The following MSRA variants were observed in gnomAD, a reference collection of about 807,000 sequenced individuals.
MSRA encodes the protein mitochondrial peptide methionine sulfoxide reductase.
In MSRA, 54 loss-of-function variants were observed where a neutral mutation model predicts 31.3. The observed-to-expected ratio is 1.73, with a 90% CI of 1.39 to 2.17. The LOEUF (loss-of-function observed/expected upper bound fraction) is 2.17. Ranked by LOEUF, MSRA falls within the 30% of genes most tolerant of loss-of-function variation. The pLI is 0.00. For synonymous variants in MSRA, 169 were observed against 116.5 expected, an observed-to-expected ratio of 1.45 and a Z score of -2.90; for missense variants, 507 against 300.9, an observed-to-expected ratio of 1.69 and a Z score of -5.07.
At chr8:10,171,396 A>T (rs1805574648) in intron 1 of MSRA, among the ~76,000 whole-genome samples, 1 of 148,608 alleles carries the variant, frequency 6.7e-6, no homozygotes, top group African/African-American at 2.5e-5. Context: ...ACAGAGCTTT[A>T]AGGAAATGAA....
At chr8:10,061,618 G>A (rs185801386) in intron 1 of MSRA, among the ~76,000 whole-genome samples, 1 of 152,172 alleles carries the variant, frequency 6.6e-6, no homozygotes, top group Non-Finnish European at 1.5e-5. Context: ...TTCACCAAGA[G>A]TGCAGTCAAT....
chr8:10,271,757 C>T (rs4483158), intron 3 of MSRA, among the ~76,000 whole-genome samples: 101,493 of 148,092 alleles, frequency 0.69, 35,215 homozygotes, highest in East Asian at 0.85. Flanking sequence ...TTGCTCTTGT[C>T]GCCCAGGCTG....
chr8:10,290,501 C>G (rs185454455), intron 3 of MSRA, among the ~76,000 whole-genome samples: 182 of 152,268 alleles, frequency 1.2e-3, no homozygotes, highest in African/African-American at 4.1e-3. Context: ...ATCAGATGCC[C>G]AAGTTCGTGG....
intron 3 of MSRA, among the ~76,000 whole-genome samples, chr8:10,261,368 A>C (rs1396481231): frequency 6.8e-6 from 1 of 147,908 alleles, no homozygotes; most frequent in African/African-American, 2.5e-5. Context: ...TGTCTTCATG[A>C]AGGGTATATA....
chr8:10,332,363 C>G (rs1037201493), intron 5 of MSRA, among the ~76,000 whole-genome samples: 4 of 151,842 alleles, frequency 2.6e-5, no homozygotes, highest in African/African-American at 9.7e-5. Flanking sequence ...TTTATCTGTG[C>G]TTTTGTTTAA....
chr8:10,288,351 G>T (rs182358250), intron 3 of MSRA, among the ~76,000 whole-genome samples: 4 of 152,062 alleles, frequency 2.6e-5, no homozygotes, highest in Non-Finnish European at 5.9e-5. Flanking sequence ...CCCAAGAACC[G>T]ATTTTTGCCC....
Position 10,151,285 on chromosome 8 carries a change from A to T in MSRA, c.143-56548A>T, listed in dbSNP as rs376653580. ...TCAAAAAAAAAAAAAAAAAAAAAAA[A>T]AAATAAGGGCTTCCTGTAGGAAGCT... On this transcript the variant is annotated intron_variant, in intron 1 of 5. Transcript: ENST00000317173. Among the ~76,000 whole-genome samples the T allele has an allele frequency of 9.6e-5, 13 of 135,390 alleles. No homozygotes were observed. The East Asian group carries it at 2.7e-3, about 29-fold the overall frequency. The allele number at this position is 135,390 out of a possible 152,430, so 88.8% of individuals were successfully genotyped here. A position where few individuals can be genotyped will look rare whatever the true frequency, so the allele number is the denominator to read the frequency against.
intron 1 of MSRA, among the ~76,000 whole-genome samples, chr8:10,155,168 A>G (rs937711595): frequency 3.9e-5 from 6 of 152,122 alleles, no homozygotes; most frequent in African/African-American, 1.4e-4. Flanking sequence ...AGGATAAAGA[A>G]ATACTGAACT....
chr8:10,185,204 G>A (rs1431405414), intron 1 of MSRA, among the ~76,000 whole-genome samples: 1 of 152,120 alleles, frequency 6.6e-6, no homozygotes, highest in Non-Finnish European at 1.5e-5. Flanking sequence ...GGTGACTGAG[G>A]GACAGCTGTC....
chr8:10,310,151 A>G (rs1437550110), intron 4 of MSRA, among the ~76,000 whole-genome samples: 1 of 152,232 alleles, frequency 6.6e-6, no homozygotes, highest in East Asian at 1.9e-4. Flanking sequence ...TATACAAGGA[A>G]TCTATCATCT....
At chr8:10,161,110 C>G (rs1270457020) in intron 1 of MSRA, among the ~76,000 whole-genome samples, 1 of 152,222 alleles carries the variant, frequency 6.6e-6, no homozygotes, top group Non-Finnish European at 1.5e-5. Flanking sequence ...CAGATATCCA[C>G]TTTCTAAATA....
rs1332206522 is a variant in MSRA, at chr8:10,054,295, C to G, written c.-222C>G. The G allele has an allele frequency of 2.8e-6, 1 of 352,502 alleles. No individual in the cohort carries two copies. Among genetic ancestry groups the G allele is most frequent in the Non-Finnish European group, 5.0e-6 (1 of 201,486 alleles). The allele number at this position is 352,502 out of a possible 1,614,324, so 21.8% of individuals were successfully genotyped here. A position where few individuals can be genotyped will look rare whatever the true frequency, so the allele number is the denominator to read the frequency against. On this transcript the variant is annotated 5_prime_UTR_variant, in exon 1 of 6. Coordinates refer to ENST00000317173, the MANE Select transcript of MSRA (RefSeq NM_012331.5). The stretch of plus-strand genomic sequence containing the variant: ...AACTCGCCGGGCCACACCCCCTGTC[C>G]AGGGAAGGAACACGCCCCCGGTGAC...
intron 1 of MSRA, chr8:10,095,588 G>A: frequency 2.0e-6 from 2 of 986,416 alleles, no homozygotes; most frequent in Non-Finnish European, 2.4e-6. Flanking sequence ...GAGAGGCAGA[G>A]GGAGAGCTGA....
chr8:10,063,573 G>C (rs1585070052), intron 1 of MSRA, among the ~76,000 whole-genome samples: 1 of 152,156 alleles, frequency 6.6e-6, no homozygotes, highest in African/African-American at 2.4e-5. Flanking sequence ...AGGTGATGGG[G>C]GATTAGGAGG....
At chr8:10,289,498 T>C (rs1242582596) in intron 3 of MSRA, among the ~76,000 whole-genome samples, 3 of 152,204 alleles carry the variant, frequency 2.0e-5, no homozygotes, top group African/African-American at 7.2e-5. Flanking sequence ...CTCGAGCATT[T>C]ATCCTTTGTG....
At chr8:10,227,226 C>T (rs1811076285) in intron 2 of MSRA, among the ~76,000 whole-genome samples, 1 of 152,090 alleles carries the variant, frequency 6.6e-6, no homozygotes, top group South Asian at 2.1e-4. Context: ...GAGTTGTCTT[C>T]AAGAGGTCAG....
At chr8:10,089,834 C>G (rs764847630) in intron 1 of MSRA, among the ~76,000 whole-genome samples, 4 of 152,188 alleles carry the variant, frequency 2.6e-5, no homozygotes, top group African/African-American at 9.6e-5. Context: ...CGAATCTATT[C>G]CTTTAGAAAC....
chr8:10,076,329 C>T (rs1585096045), intron 1 of MSRA, among the ~76,000 whole-genome samples: 2 of 152,192 alleles, frequency 1.3e-5, no homozygotes, highest in Non-Finnish European at 2.9e-5. Context: ...CGTGACATCA[C>T]CACACTCCCT....
chr8:10,360,078 C>T (rs1804754259), intron 5 of MSRA, among the ~76,000 whole-genome samples: 2 of 152,192 alleles, frequency 1.3e-5, no homozygotes, highest in Admixed American at 6.5e-5. Context: ...GGGGACAGTG[C>T]AGCTCCAGCC....
Sources: gnomAD v4.1 joint callset for allele counts (sites outside exome capture counted in the v4.1 genomes callset) on GRCh38, gnomAD v4.1.1 for gene constraint, MANE v1.5 for transcripts, NCBI Gene and HGNC (gene_info 2026-07-23, HGNC 2026-07-21) for gene names.